The following NBEAL1 variants were observed in gnomAD, a reference collection of about 807,000 sequenced individuals.
The protein encoded by NBEAL1 is neurobeachin like 1.
NBEAL1 carries 273 observed loss-of-function variants against 351.3 expected under a neutral mutation model. The observed-to-expected ratio is 0.78, with a 90% CI of 0.70 to 0.86. NBEAL1 has a LOEUF of 0.86. Among genes scored for constraint, NBEAL1 ranks in the 40% least tolerant of loss-of-function variants. NBEAL1 has a pLI of 0.00. For missense variants in NBEAL1, 2,961 were observed against 3,201.3 expected, an observed-to-expected ratio of 0.92 and a Z score of 1.81; for synonymous variants, 1,050 against 1,086.4, an observed-to-expected ratio of 0.97 and a Z score of 0.66.
intron 36 of NBEAL1, among the ~76,000 whole-genome samples, chr2:203,159,388 A>G (rs2063885888): frequency 6.6e-6 from 1 of 151,962 alleles, no homozygotes; most frequent in Non-Finnish European, 1.5e-5. Flanking sequence ...CCCTTCTCAC[A>G]TAACCTGGCA....
chr2:203,189,576 G>A (rs1000639867), intron 45 of NBEAL1, among the ~76,000 whole-genome samples: 4 of 151,704 alleles, frequency 2.6e-5, no homozygotes, highest in Admixed American at 2.0e-4. Flanking sequence ...TTAGAGAGAT[G>A]AAGTCTCACT....
In NBEAL1 at chr2:203,202,611, A is replaced by G. The variant is rs1159847170; in HGVS notation, c.7412-76A>G. 9 of 828,728 alleles carry G rather than the reference A, an allele frequency of 1.1e-5. No individual in the cohort carries two copies. The Admixed American group carries it at 1.4e-4, about 13-fold the overall frequency. 51.3% of individuals were successfully genotyped at this position (828,728 alleles called of 1,614,324 possible). A position where few individuals can be genotyped will look rare whatever the true frequency, so the allele number is the denominator to read the frequency against. On this transcript the variant is annotated intron_variant, in intron 50 of 55. Transcript: ENST00000683969. ...TAACTGATTTAGGAATAGTTTGAAC[A>G]TTAACAAAAATTGCTCTTAAAGTTC... is the stretch of plus-strand genomic sequence containing the variant.
In NBEAL1 at chr2:203,041,793, T is replaced by G. The variant is rs780761130; in HGVS notation, c.80T>G (p.Leu27Trp). Residue 27 changes from leucine to tryptophan, a missense_variant, in exon 3 of 56, where the codon TTG (leucine) becomes TGG (tryptophan). By Grantham distance (61) the Leu-to-Trp change is moderately conservative. Coordinates refer to ENST00000683969, the MANE Select transcript of NBEAL1 (RefSeq NM_001378026.1). ...KKDPDYLKLW[L>W]DTFVSSYEQF... ...GATCCAGATTACCTGAAGCTGTGGT[T>G]GGACACTTTTGTTTCTAGCTATGAA... 3 of 1,553,986 alleles carry G rather than the reference T, an allele frequency of 1.9e-6. No individual in the cohort carries two copies. The highest frequency in any genetic ancestry group is 2.6e-6 in the Non-Finnish European group (3 of 1,147,528).
Position 203,119,424 on chromosome 2 carries a change from C to CTTTTTTTTTTTTTTTTTTTT in NBEAL1, c.2593-2829_2593-2810dup. Among the ~76,000 whole-genome samples the CTTTTTTTTTTTTTTTTTTTT allele has an allele frequency of 1.2e-3, 80 of 66,664 alleles. 23 individuals carry two copies. Among genetic ancestry groups the CTTTTTTTTTTTTTTTTTTTT allele is most frequent in the East Asian group, 2.8e-3 (4 of 1,434 alleles). The allele number at this position is 66,664 out of a possible 152,430, so 43.7% of individuals were successfully genotyped here. A position where few individuals can be genotyped will look rare whatever the true frequency, so the allele number is the denominator to read the frequency against. ...GTGAGCCACTGCATACGGCCTGTTG[C>CTTTTTTTTTTTTTTTTTTTT]TTTTTTTTTTTTTTTTTTTTGAGAC... On this transcript the variant is annotated intron_variant, in intron 18 of 55. Transcript: ENST00000683969.
In NBEAL1 at chr2:203,107,903, A is replaced by G. The variant is rs142712002; in HGVS notation, c.1664A>G (p.Glu555Gly). ...TTGGGGAGTCAGTCAGTGAGCTCAG[A>G]AGAAATCCGTCGACTACTGAGATTG... ...GSLGSQSVSS[E>G]EIRRLLRLLR... The change falls in exon 14 of 56, where the codon GAA (glutamate) becomes GGA (glycine). Residue 555 changes from glutamate to glycine, a missense_variant. Coordinates refer to ENST00000683969, the MANE Select transcript of NBEAL1 (RefSeq NM_001378026.1). 62 of 1,553,804 alleles carry G rather than the reference A, an allele frequency of 4.0e-5. No individual in the cohort carries two copies. Among genetic ancestry groups the G allele is most frequent in the Non-Finnish European group, 5.3e-5 (61 of 1,147,598 alleles).
chr2:203,161,099 G>A lies in NBEAL1; in HGVS notation c.5714+3274G>A, dbSNP rs182533792. 3.1e-3 allele frequency among the ~76,000 whole-genome samples: 473 copies of A among 151,386 alleles called. 1 individual carries two copies. Among genetic ancestry groups the A allele is most frequent in the Non-Finnish European group, 5.4e-3 (369 of 67,800 alleles). ...TCCCAGCACTTTGGGAGGCCGAGGCGGGTGGATCACGAGGTCAAGAGATTG... is the reference window on the plus strand; with the variant it reads ...TCCCAGCACTTTGGGAGGCCGAGGCAGGTGGATCACGAGGTCAAGAGATTG... On this transcript the variant is annotated intron_variant, in intron 36 of 55. Coordinates refer to ENST00000683969, the MANE Select transcript of NBEAL1 (RefSeq NM_001378026.1).
In NBEAL1 at chr2:203,135,793, T is replaced by C; in HGVS notation, c.3930T>C (p.Thr1310=). The change falls in exon 28 of 56, where the codon ACT becomes ACC. Residue 1310 remains threonine (T), a synonymous_variant. Transcript: ENST00000683969. ...FLKAKFENGN[T]LHKHSRAVLM... is the part of the protein sequence containing the mutation. ...AAGCAAAATTTGAAAACGGAAATAC[T>C]CTTCATAAGCACAGTAGAGCTGTTT... 6.2e-7 allele frequency: 1 copy of C among 1,612,560 alleles called. No homozygotes were observed. Among genetic ancestry groups the C allele is most frequent in the Non-Finnish European group, 8.5e-7 (1 of 1,179,240 alleles).
At chr2:203,138,450 T>A in intron 30 of NBEAL1, 135 bp downstream of exon 30, 1 of 1,035,072 alleles carries the variant, frequency 9.7e-7, no homozygotes, top group Non-Finnish European at 1.4e-6. Context: ...TGATGAATAG[T>A]CACAGATTTT....
In NBEAL1 at chr2:203,132,600, A is replaced by T. The variant is rs370438296; in HGVS notation, c.3725-458A>T. ...ATAGCTCACTGTAGCCTCATACTGG[A>T]TGCAAGGGATCCTCCTACCTCAGCC... On this transcript the variant is annotated intron_variant, in intron 26 of 55. Coordinates refer to ENST00000683969, the MANE Select transcript of NBEAL1 (RefSeq NM_001378026.1). Among the ~76,000 whole-genome samples, 40 of 152,232 alleles carry T rather than the reference A, an allele frequency of 2.6e-4. No homozygotes were observed. In the South Asian group the frequency reaches 7.9e-3, roughly 30 times the overall value.
chr2:203,180,981 G>A (rs2064701416), intron 43 of NBEAL1: 1 of 119,814 alleles, frequency 8.3e-6, no homozygotes, highest in African/African-American at 3.2e-5. Context: ...TTTTCCCTTA[G>A]GCTGGAATGC....
Position 203,125,427 on chromosome 2 carries a change from C to T in NBEAL1, c.2758C>T (p.Gln920Ter). The T allele has an allele frequency of 6.5e-7, 1 of 1,547,732 alleles. No homozygotes were observed. The highest frequency in any genetic ancestry group is 8.7e-7 in the Non-Finnish European group (1 of 1,145,224). Residue 920 changes from glutamine to a stop codon, truncating the protein, a stop_gained, in exon 20 of 56, where the codon CAG (glutamine) becomes TAG (stop). Transcript: ENST00000683969. LOFTEE classifies it high-confidence loss of function. ...LEQISHFSEG[Q>*]IPEEKNESTV... ...ACAAATCAGCCACTTTAGTGAAGGA[C>T]AGATTCCTGAAGAAAAGAATGAAAG...
At chr2:203,206,751 C>A (rs1482515213) in intron 51 of NBEAL1, among the ~76,000 whole-genome samples, 1 of 152,022 alleles carries the variant, frequency 6.6e-6, no homozygotes, top group African/African-American at 2.4e-5. Flanking sequence ...AGTGCAGTGG[C>A]ATGATCTCGG....
At chr2:203,137,602 A>G (rs2063247766) in intron 29 of NBEAL1, among the ~76,000 whole-genome samples, 1 of 152,228 alleles carries the variant, frequency 6.6e-6, no homozygotes, top group South Asian at 2.1e-4. Flanking sequence ...TTTTATAGTC[A>G]AGTAAAACAG....
chr2:203,215,214 G>A (rs910145147), intron 55 of NBEAL1, among the ~76,000 whole-genome samples: 1 of 151,776 alleles, frequency 6.6e-6, no homozygotes, highest in East Asian at 1.9e-4. Flanking sequence ...AAATTAGCCG[G>A]GTGTGGGCCA....
upstream of NBEAL1, chr2:203,014,792 A>T (rs2060648415): frequency 6.6e-6 from 1 of 152,278 alleles, no homozygotes. Context: ...CGGCTGGGTA[A>T]ATCCTCAGCG....
At chr2:203,193,623 A>C (rs887914250) in intron 46 of NBEAL1, among the ~76,000 whole-genome samples, 172 bp from the exon 47 acceptor site, 2 of 152,208 alleles carry the variant, frequency 1.3e-5, no homozygotes, top group Admixed American at 6.5e-5. Context: ...GTTTCCAAAG[A>C]AATGAAAAAA....
chr2:203,146,318 T>C (rs188474177), intron 33 of NBEAL1, among the ~76,000 whole-genome samples: 1 of 152,298 alleles, frequency 6.6e-6, no homozygotes, highest in East Asian at 1.9e-4. Context: ...ACACATTTAA[T>C]GGAGAAATTA....
At chr2:203,046,926 G>A (rs1255667154) in intron 3 of NBEAL1, among the ~76,000 whole-genome samples, 2 of 152,182 alleles carry the variant, frequency 1.3e-5, no homozygotes, top group Non-Finnish European at 2.9e-5. Context: ...TGTAATGCCA[G>A]CACTTTGGGA....
chr2:203,087,534 G>T (rs527927745), intron 10 of NBEAL1, among the ~76,000 whole-genome samples: 3 of 152,152 alleles, frequency 2.0e-5, no homozygotes, highest in African/African-American at 7.2e-5. Context: ...ACCATGACTT[G>T]TGCAAGGCTC....
Sources: gnomAD v4.1 joint callset for allele counts (sites outside exome capture counted in the v4.1 genomes callset) on GRCh38, gnomAD v4.1.1 for gene constraint, MANE v1.5 for transcripts, NCBI Gene and HGNC (gene_info 2026-07-23, HGNC 2026-07-21) for gene names.